Variants in CDH4 observed in about 807,000 individuals in gnomAD.
CDH4 encodes cadherin 4.
A neutral mutation model predicts 86.0 loss-of-function variants in CDH4; 33 were observed. That is an observed-to-expected ratio of 0.38 (90% CI 0.29 to 0.51). CDH4 has a LOEUF of 0.51. Among genes scored for constraint, CDH4 ranks in the 20% least tolerant of loss-of-function variants. The pLI, the probability that CDH4 is intolerant of heterozygous loss-of-function variation, is 0.86. For missense variants in CDH4, 1,114 were observed against 1,307.4 expected (o/e 0.85, Z 2.28); for synonymous variants, 555 against 549.4 (o/e 1.01, Z -0.14).
chr20:61,493,759 G>A (rs565400391), intron 2 of CDH4, among the ~76,000 whole-genome samples: 21 of 152,318 alleles, frequency 1.4e-4, no homozygotes, highest in Admixed American at 1.3e-3. Flanking sequence ...GCAGGTCAGA[G>A]TCATGATAAA....
At chr20:61,827,042 T>C (rs1220234508) in intron 4 of CDH4, among the ~76,000 whole-genome samples, 1 of 150,282 alleles carries the variant, frequency 6.7e-6, no homozygotes, top group African/African-American at 2.5e-5. Context: ...AAAGATACAA[T>C]AAATAAAAAA....
chr20:61,418,209 CTTTTTTT>C (rs11475784), intron 2 of CDH4, among the ~76,000 whole-genome samples: 1 of 134,736 alleles, frequency 7.4e-6, no homozygotes, highest in Non-Finnish European at 1.6e-5. Context: ...TCTTTTTTTT[CTTTTTTT>C]TTTTTTTTCC....
intron 2 of CDH4, among the ~76,000 whole-genome samples, chr20:61,306,177 T>C (rs958866939): frequency 6.6e-6 from 1 of 152,198 alleles, no homozygotes; most frequent in Admixed American, 6.5e-5. Context: ...TTCCAAAGGT[T>C]GCTGGAAAGC....
intron 2 of CDH4, among the ~76,000 whole-genome samples, chr20:61,306,215 G>A (rs2427064): frequency 0.11 from 16,871 of 152,198 alleles, 1,140 homozygotes; most frequent in East Asian, 0.25. Context: ...TGTGAATCTG[G>A]ACTCAAGAAA....
At chr20:61,547,183 C>A (rs1166832339) in intron 2 of CDH4, among the ~76,000 whole-genome samples, 1 of 148,332 alleles carries the variant, frequency 6.7e-6, no homozygotes. Flanking sequence ...CTCTCACATA[C>A]TCAGCCCCAG....
chr20:61,683,579 G>A (rs764102394), intron 2 of CDH4, among the ~76,000 whole-genome samples: 2 of 152,222 alleles, frequency 1.3e-5, no homozygotes, highest in South Asian at 2.1e-4. Flanking sequence ...CTCAGATCCC[G>A]CAGATGGGCC....
chr20:61,430,879 C>G (rs773186202), intron 2 of CDH4, among the ~76,000 whole-genome samples: 31 of 152,220 alleles, frequency 2.0e-4, no homozygotes, highest in Non-Finnish European at 3.5e-4. Flanking sequence ...GAGAAAGGAG[C>G]CTGTGTGTCC....
chr20:61,809,230 G>A (rs960884103), intron 4 of CDH4, among the ~76,000 whole-genome samples: 1 of 152,188 alleles, frequency 6.6e-6, no homozygotes, highest in Non-Finnish European at 1.5e-5. Context: ...GTCATGACCC[G>A]CCATGGTGGT....
chr20:61,674,434 G>A lies in CDH4; in HGVS notation c.170-69129G>A, dbSNP rs571114043. Among the ~76,000 whole-genome samples, 384 of 152,292 alleles carry A rather than the reference G, an allele frequency of 2.5e-3. 4 individuals carry two copies. Among genetic ancestry groups the A allele is most frequent in the African/African-American group, 9.0e-3 (372 of 41,558 alleles). On this transcript the variant is annotated intron_variant, in intron 2 of 15. Transcript: ENST00000614565. ...GGGAGTGACAGGCAGCAGGCCTTTC[G>A]TGCAGACAATGGGAAGGACACATGA...
chr20:61,841,308 C>G (rs1367947755), intron 4 of CDH4, among the ~76,000 whole-genome samples: 1 of 152,244 alleles, frequency 6.6e-6, no homozygotes, highest in Non-Finnish European at 1.5e-5. Context: ...TCCACCTCAG[C>G]TGCCTGCTCT....
chr20:61,890,256 G>A (rs1984759851), intron 7 of CDH4, among the ~76,000 whole-genome samples: 1 of 151,640 alleles, frequency 6.6e-6, no homozygotes, highest in Admixed American at 6.6e-5. Context: ...TGGATGCATA[G>A]ATGGATAATG....
intron 2 of CDH4, among the ~76,000 whole-genome samples, chr20:61,286,974 T>G (rs1180585049): frequency 2.0e-5 from 3 of 152,214 alleles, no homozygotes; most frequent in Non-Finnish European, 4.4e-5. Flanking sequence ...TGGTGCTTCC[T>G]GGAGCATTTA....
rs536786757 is a variant in CDH4 at position 61,582,925 on chromosome 20, C to T, written c.170-160638C>T. 7.2e-5 allele frequency among the ~76,000 whole-genome samples: 11 copies of T among 152,198 alleles called. No homozygotes were observed. The highest frequency in any genetic ancestry group is 3.9e-4 in the East Asian group (2 of 5,140). The stretch of plus-strand genomic sequence containing the variant: ...AAGAAACTCCACACCCTTGGCTGTC[C>T]GCCTTCTGCGCCCCCATGGCCCCCG... On this transcript the variant is annotated intron_variant, in intron 2 of 15. Transcript: ENST00000614565. The surrounding 1 kb of genome is among the most constrained non-coding windows in gnomAD (Gnocchi z 4.2).
At chr20:61,315,021 A>G (rs1358170657) in intron 2 of CDH4, among the ~76,000 whole-genome samples, 3 of 152,126 alleles carry the variant, frequency 2.0e-5, no homozygotes, top group Non-Finnish European at 4.4e-5. Context: ...TATTTTGGCT[A>G]TCAACACCTT....
intron 2 of CDH4, among the ~76,000 whole-genome samples, chr20:61,724,603 C>T (rs1216469869): frequency 1.3e-5 from 2 of 152,216 alleles, no homozygotes; most frequent in African/African-American, 2.4e-5. Context: ...GCTGCCCCTT[C>T]GCCCCGACCC....
At chr20:61,470,320 T>C (rs1196825593) in intron 2 of CDH4, among the ~76,000 whole-genome samples, 1 of 152,166 alleles carries the variant, frequency 6.6e-6, no homozygotes, top group Non-Finnish European at 1.5e-5. Flanking sequence ...AATTACTTTC[T>C]AGATTTCTAT....
chr20:61,560,132 G>A (rs2086205919), intron 2 of CDH4, among the ~76,000 whole-genome samples: 2 of 151,894 alleles, frequency 1.3e-5, no homozygotes, highest in South Asian at 4.2e-4. Context: ...CGGAGACAAA[G>A]GAAGACCCCC....
At chr20:61,265,638 A>C (rs767298943) in intron 2 of CDH4, among the ~76,000 whole-genome samples, 6 of 152,058 alleles carry the variant, frequency 3.9e-5, no homozygotes, top group African/African-American at 9.7e-5. Context: ...TCAGCCTTAC[A>C]TGGACCTCAA....
At chr20:61,260,726 G>A (rs901401621) in intron 2 of CDH4, among the ~76,000 whole-genome samples, 5 of 152,216 alleles carry the variant, frequency 3.3e-5, no homozygotes, top group South Asian at 2.1e-4. Context: ...GAGGGAGACC[G>A]TGGGATCTCT....
Sources: allele counts gnomAD v4.1 joint callset (sites outside exome capture counted in the v4.1 genomes callset), GRCh38; gene constraint gnomAD v4.1.1; non-coding constraint Gnocchi (gnomAD v3.1); transcripts MANE v1.5; gene names NCBI Gene and HGNC (gene_info 2026-07-23, HGNC 2026-07-21).